Variants in PPFIBP2 observed in about 807,000 individuals in gnomAD.
The protein encoded by PPFIBP2 is liprin-beta-2.
Under a neutral mutation model 118.3 loss-of-function variants are expected in PPFIBP2, and 118 were observed. That is an observed-to-expected ratio of 1.00 (90% CI 0.86 to 1.16). The LOEUF is 1.16. Among genes scored for constraint, PPFIBP2 ranks in the 50% most tolerant of loss-of-function variants. The pLI, the probability that PPFIBP2 is intolerant of heterozygous loss-of-function variation, is 0.00. For missense variants in PPFIBP2, 1,195 were observed against 1,073.1 expected, an observed-to-expected ratio of 1.11 and a Z score of -1.59; for synonymous variants, 414 against 397.4, an observed-to-expected ratio of 1.04 and a Z score of -0.50.
At chr11:7,568,091 T>C (rs1433094048) in intron 3 of PPFIBP2, among the ~76,000 whole-genome samples, 1 of 152,212 alleles carries the variant, frequency 6.6e-6, no homozygotes, top group Non-Finnish European at 1.5e-5. Flanking sequence ...TGTAGACACA[T>C]TGGCATTGTT....
chr11:7,520,861 A>C (rs1351583224), intron 1 of PPFIBP2, among the ~76,000 whole-genome samples: 1 of 152,118 alleles, frequency 6.6e-6, no homozygotes, highest in Non-Finnish European at 1.5e-5. Context: ...GTCTTCATGG[A>C]ATCTATGTAG....
chr11:7,625,953 G>A (rs912835876), intron 8 of PPFIBP2, 62 bp downstream of exon 8: 2 of 1,348,942 alleles, frequency 1.5e-6, no homozygotes, highest in Admixed American at 1.9e-5. Flanking sequence ...TCTTATAAGT[G>A]AGCATGTGTT....
intron 5 of PPFIBP2, among the ~76,000 whole-genome samples, chr11:7,602,161 G>A (rs1008433332): frequency 2.6e-4 from 40 of 151,118 alleles, no homozygotes; most frequent in Non-Finnish European, 5.4e-4. Flanking sequence ...GTCTGAGTCA[G>A]TTTTCACTGG....
At chr11:7,609,360 C>T (rs1007461346) in intron 5 of PPFIBP2, among the ~76,000 whole-genome samples, 54 of 152,234 alleles carry the variant, frequency 3.5e-4, no homozygotes, top group African/African-American at 1.3e-3. Flanking sequence ...TTCTCCTTGC[C>T]ACAACCTTTG....
intron 3 of PPFIBP2, among the ~76,000 whole-genome samples, chr11:7,583,671 T>G (rs1388384797): frequency 6.6e-6 from 1 of 151,042 alleles, no homozygotes; most frequent in East Asian, 1.9e-4. Flanking sequence ...GGTTATAATT[T>G]TGGGGAAAAA....
chr11:7,602,087 C>CAAAAAAAAAAAAAAAAAAAAA (rs201003988), intron 5 of PPFIBP2, among the ~76,000 whole-genome samples: 1 of 56,186 alleles, frequency 1.8e-5, no homozygotes. Context: ...GAATGAAACT[C>CAAAAAAAAAAAAAAAAAAAAA]AAAAAAAAAA....
chr11:7,657,332 G>A (rs1373866408), downstream of PPFIBP2, among the ~76,000 whole-genome samples: 4 of 152,098 alleles, frequency 2.6e-5, no homozygotes, highest in Admixed American at 1.3e-4. Flanking sequence ...GGGTATGAGC[G>A]GGTAAAGCAA....
chr11:7,531,895 G>A (rs935161400), intron 1 of PPFIBP2, among the ~76,000 whole-genome samples: 31 of 151,996 alleles, frequency 2.0e-4, no homozygotes, highest in African/African-American at 7.0e-4. Flanking sequence ...GAGCGCAGTG[G>A]CACGATCTTG....
At chr11:7,548,690 C>T (rs1852605090) in intron 1 of PPFIBP2, among the ~76,000 whole-genome samples, 1 of 152,126 alleles carries the variant, frequency 6.6e-6, no homozygotes, top group Admixed American at 6.5e-5. Flanking sequence ...TTGGGCAGTT[C>T]CCCTTTGCTA....
intron 2 of PPFIBP2, among the ~76,000 whole-genome samples, chr11:7,558,740 A>G (rs1399207191): frequency 2.6e-5 from 4 of 151,790 alleles, no homozygotes; most frequent in Non-Finnish European, 4.4e-5. Flanking sequence ...TGGGTAACAG[A>G]GCAACTCTGT....
At chr11:7,620,079 T>C (rs774152806) in intron 6 of PPFIBP2, among the ~76,000 whole-genome samples, 37 of 152,312 alleles carry the variant, frequency 2.4e-4, no homozygotes, top group Non-Finnish European at 3.4e-4. Context: ...ACAAGGGTCC[T>C]AGAGTCAGAA....
chr11:7,643,559 G>T (rs1024174016), intron 17 of PPFIBP2, among the ~76,000 whole-genome samples: 1 of 152,206 alleles, frequency 6.6e-6, no homozygotes, highest in Non-Finnish European at 1.5e-5. Flanking sequence ...ATGAGAAAGG[G>T]AAGACGTATG....
intron 2 of PPFIBP2, 125 bp downstream of exon 2, chr11:7,549,664 A>G: frequency 9.8e-7 from 1 of 1,016,584 alleles, no homozygotes; most frequent in Non-Finnish European, 1.4e-6. Context: ...TTTATTTTTC[A>G]GTGGTGTTAT....
chr11:7,637,283 A>G (rs1188338516), intron 14 of PPFIBP2, among the ~76,000 whole-genome samples: 1 of 152,322 alleles, frequency 6.6e-6, no homozygotes, highest in African/African-American at 2.4e-5. Flanking sequence ...GTGATATTCT[A>G]GATGTAGTCT....
At chr11:7,543,513 A>T (rs1219079224) in intron 1 of PPFIBP2, among the ~76,000 whole-genome samples, 1 of 152,230 alleles carries the variant, frequency 6.6e-6, no homozygotes, top group Admixed American at 6.5e-5. Flanking sequence ...CTCTGGCTCA[A>T]CTGTGTCCAA....
chr11:7,603,187 A>G (rs1320677094), intron 5 of PPFIBP2, among the ~76,000 whole-genome samples: 1 of 152,224 alleles, frequency 6.6e-6, no homozygotes, highest in Non-Finnish European at 1.5e-5. Context: ...AAGTGAAGAA[A>G]ACAGGAATTT....
In PPFIBP2 at chr11:7,597,565, T is replaced by C. The variant is rs74051543; in HGVS notation, c.378T>C (p.Ser126=). Reference sequence around the variant, plus strand: ...TGCTTTATTTCCTGGAACAGGTGAGTGTCCTCACAGACCAAGTAGAAGCCC... The same window carrying C: ...TGCTTTATTTCCTGGAACAGGTGAGCGTCCTCACAGACCAAGTAGAAGCCC... ...GDKESLILQV[S]VLTDQVEAQG... is the part of the protein sequence containing the mutation. Residue 126 remains serine, a synonymous_variant, in exon 5 of 24, where the codon AGT becomes AGC. Transcript: ENST00000299492. 1,197 of 1,613,190 alleles carry C rather than the reference T, an allele frequency of 7.4e-4. 5 individuals are homozygous for C. The African/African-American group carries it at 0.014, about 19-fold the overall frequency.
At chr11:7,534,616 A>C (rs575372603) in intron 1 of PPFIBP2, among the ~76,000 whole-genome samples, 3 of 152,312 alleles carry the variant, frequency 2.0e-5, no homozygotes, top group Admixed American at 1.3e-4. Flanking sequence ...TGTCAGGGGC[A>C]TGAGGCTCTC....
chr11:7,652,009 A>T (rs1293573264), intron 23 of PPFIBP2, among the ~76,000 whole-genome samples, 165 bp downstream of exon 23: 2 of 152,220 alleles, frequency 1.3e-5, no homozygotes, highest in Admixed American at 6.5e-5. Flanking sequence ...AGTCTTTGTT[A>T]AGCCAGTTCT....
Sources: gnomAD v4.1 joint callset for allele counts (sites outside exome capture counted in the v4.1 genomes callset) on GRCh38, gnomAD v4.1.1 for gene constraint, MANE v1.5 for transcripts, NCBI Gene and HGNC (gene_info 2026-07-23, HGNC 2026-07-21) for gene names.